FNDC1: variants seen among roughly 807,000 people sequenced by gnomAD.
The protein encoded by FNDC1 is fibronectin type III domain containing 1.
FNDC1 carries 96 observed loss-of-function variants against 168.0 expected under a neutral mutation model. The observed-to-expected ratio is 0.57, with a 90% CI of 0.48 to 0.68. The LOEUF (loss-of-function observed/expected upper bound fraction) is 0.68. Ranked by LOEUF, FNDC1 falls within the 30% of genes least tolerant of loss-of-function variation. FNDC1 has a pLI of 0.00. For missense variants in FNDC1, 2,587 were observed against 2,482.1 expected, an observed-to-expected ratio of 1.04 and a Z score of -0.90; for synonymous variants, 1,099 against 1,025.9, an observed-to-expected ratio of 1.07 and a Z score of -1.36.
In FNDC1 at chr6:159,228,742, C is replaced by T. The variant is rs1783011487; in HGVS notation, c.1181-1073C>T. Among the ~76,000 whole-genome samples, 5 of 152,210 alleles carry T rather than the reference C, an allele frequency of 3.3e-5. No individual in the cohort carries two copies. The South Asian group carries it at 8.3e-4, about 25-fold the overall frequency. On this transcript the variant is annotated intron_variant, in intron 9 of 22. Transcript: ENST00000297267. ...CCCAGGCTGGAGTGCAGTGTGCAAT[C>T]TCGGCTCACTGCAACCTCTGCCTCC...
chr6:159,185,702 G>A (rs1781980817), intron 1 of FNDC1, among the ~76,000 whole-genome samples: 1 of 152,206 alleles, frequency 6.6e-6, no homozygotes, highest in African/African-American at 2.4e-5. Context: ...GCCCATAACA[G>A]CCAAACCTAA....
At chr6:159,207,510 TC>T (rs535555306) in intron 4 of FNDC1, among the ~76,000 whole-genome samples, 4 of 152,288 alleles carry the variant, frequency 2.6e-5, no homozygotes, top group Middle Eastern at 3.4e-3. Flanking sequence ...TGGGCTTTTC[TC>T]TGGATGTCTG....
At chr6:159,196,333 C>A (rs1782239837) in intron 1 of FNDC1, among the ~76,000 whole-genome samples, 2 of 152,194 alleles carry the variant, frequency 1.3e-5, no homozygotes, top group Admixed American at 6.5e-5. Flanking sequence ...CCTTGAATTT[C>A]TCTAAGGAGT....
chr6:159,223,654 G>C lies in FNDC1; in HGVS notation c.884+9G>C. ...AAAGTTGTTGCATCAAGGTACTTTT[G>C]CTTATTTATTTGTCTTTATATATGA... On this transcript the variant is annotated intron_variant, in intron 7 of 22. Transcript: ENST00000297267. 1 of 1,568,098 alleles carries C rather than the reference G, an allele frequency of 6.4e-7. No individual in the cohort carries two copies. The highest frequency in any genetic ancestry group is 8.8e-7 in the Non-Finnish European group (1 of 1,140,070).
At chr6:159,179,182 G>A (rs111258121) in intron 1 of FNDC1, among the ~76,000 whole-genome samples, 4 of 152,222 alleles carry the variant, frequency 2.6e-5, no homozygotes, top group African/African-American at 9.7e-5. Context: ...TTGATAGCTG[G>A]GTGCAGTGGC....
At chr6:159,221,487 C>T (rs430833) in intron 5 of FNDC1, 111 bp from the exon 6 acceptor site, 312,933 of 817,418 alleles carry the variant, frequency 0.38, 66,253 homozygotes, top group African/African-American at 0.73. Flanking sequence ...AAAGAGGAAA[C>T]GGAAAAAGGG....
At position 159,204,789 on chromosome 6, in the gene FNDC1, T is replaced by C. The variant is rs535177255; in HGVS notation, c.460+4208T>C. ...TTTCTCACTTCATCCAGGTCCTCAG[T>C]GCTGCTTGGCCACTTCCTGATTGTC... On this transcript the variant is annotated intron_variant, in intron 4 of 22. Coordinates refer to ENST00000297267, the MANE Select transcript of FNDC1 (RefSeq NM_032532.3). Among the ~76,000 whole-genome samples, 33 of 152,362 alleles carry C rather than the reference T, an allele frequency of 2.2e-4. No homozygotes were observed. In the East Asian group the frequency reaches 6.2e-3, roughly 29 times the overall value.
intron 4 of FNDC1, among the ~76,000 whole-genome samples, chr6:159,209,281 T>G (rs190709273): frequency 0.012 from 1,902 of 152,394 alleles, 17 homozygotes; most frequent in South Asian, 0.021. Flanking sequence ...ATTCATTCTC[T>G]CTGCTGTTAG....
chr6:159,254,876 C>G lies in FNDC1; in HGVS notation c.5066-1647C>G, dbSNP rs1263310948. ...CTTCAAGTCTCCTTCTATCTCACTT[C>G]TATATTCAACTCATCATTAAATCTG... On this transcript the variant is annotated intron_variant, in intron 17 of 22. Coordinates refer to ENST00000297267, the MANE Select transcript of FNDC1 (RefSeq NM_032532.3). Among the ~76,000 whole-genome samples the G allele has an allele frequency of 2.0e-5, 3 of 152,180 alleles. No individual in the cohort carries two copies. In the East Asian group the frequency reaches 5.8e-4, roughly 29 times the overall value.
At chr6:159,248,241 A>G (rs1777175849) in intron 15 of FNDC1, among the ~76,000 whole-genome samples, 2 of 152,116 alleles carry the variant, frequency 1.3e-5, no homozygotes, top group Non-Finnish European at 2.9e-5. Context: ...ATGTTAAAGG[A>G]TTAGTTGTCT....
In FNDC1 at chr6:159,233,845, G is replaced by T; in HGVS notation, c.3333G>T (p.Gln1111His). The T allele has an allele frequency of 6.5e-7, 1 of 1,545,074 alleles. No individual in the cohort carries two copies. Among genetic ancestry groups the T allele is most frequent in the Non-Finnish European group, 8.7e-7 (1 of 1,144,436 alleles). ...CAGCTGCGTCCCTTCCCAAGCACCAGCAGGTGGAGTCTCCCACAGGCGCAG... is the reference window on the plus strand; with the variant it reads ...CAGCTGCGTCCCTTCCCAAGCACCATCAGGTGGAGTCTCCCACAGGCGCAG... ...KEAAASLPKH[Q>H]QVESPTGAGA... is the part of the protein sequence containing the mutation. The change falls in exon 11 of 23, where the codon CAG becomes CAT. Residue 1111 changes from glutamine (Q) to histidine (H), a missense_variant. Coordinates refer to ENST00000297267, the MANE Select transcript of FNDC1 (RefSeq NM_032532.3). This position sits in a 1 kb window ranked among gnomAD's most constrained non-coding sequence, Gnocchi z 4.6.
In FNDC1 at chr6:159,232,720, G is replaced by A. The variant is rs1562299982; in HGVS notation, c.2208G>A (p.Leu736=). The part of the protein sequence containing the change: ...SSRLLPTQPH[L]SSPLSKGGKD... ...GGCTGCTGCCCACCCAGCCACACCT[G>A]AGCTCTCCACTTTCCAAGGGCGGGA... Residue 736 remains leucine, a synonymous_variant, in exon 11 of 23, where the codon CTG becomes CTA. Transcript: ENST00000297267. The surrounding 1 kb of genome is among the most constrained non-coding windows in gnomAD (Gnocchi z 4.9). The A allele has an allele frequency of 6.2e-7, 1 of 1,613,886 alleles. No homozygotes were observed. The highest frequency in any genetic ancestry group is 2.2e-5 in the East Asian group (1 of 44,850).
Position 159,200,504 on chromosome 6 carries a change from CT to C in FNDC1, c.392-8del. 1 of 1,592,406 alleles carries C rather than the reference CT, an allele frequency of 6.3e-7. No homozygotes were observed. The highest frequency in any genetic ancestry group is 8.6e-7 in the Non-Finnish European group (1 of 1,168,064). ...TTTCTAACTATCAAGTTGCATTTCC[CT>C]AATTTAGGAGGTGAATGGATCGAGA... On this transcript the variant is annotated splice_region_variant and splice_polypyrimidine_tract_variant and intron_variant, in intron 3 of 22. Transcript: ENST00000297267.
intron 19 of FNDC1, among the ~76,000 whole-genome samples, 156 bp downstream of exon 19, chr6:159,261,425 T>G (rs971038906): frequency 6.6e-6 from 1 of 152,264 alleles, no homozygotes; most frequent in Non-Finnish European, 1.5e-5. Flanking sequence ...TGCTTTGTGC[T>G]AGGTTAAAAC....
intron 4 of FNDC1, among the ~76,000 whole-genome samples, chr6:159,214,133 G>T (rs1242275344): frequency 2.0e-5 from 3 of 152,178 alleles, no homozygotes; most frequent in African/African-American, 7.2e-5. Flanking sequence ...CCCCAAATGA[G>T]GGCTTACAAT....
intron 10 of FNDC1, among the ~76,000 whole-genome samples, chr6:159,230,684 T>G (rs909763138): frequency 6.6e-6 from 1 of 152,148 alleles, no homozygotes; most frequent in Non-Finnish European, 1.5e-5. Context: ...GAAGGGAGTG[T>G]TTTTGGACCA....
At chr6:159,269,519 C>CATCT (rs775423046) in intron 22 of FNDC1, among the ~76,000 whole-genome samples, 4,600 of 99,980 alleles carry the variant, frequency 0.046, 116 homozygotes, top group Middle Eastern at 0.07. Context: ...TCCATGCATC[C>CATCT]ATCCATCCAT....
chr6:159,231,071 C>A (rs12191109), intron 10 of FNDC1, among the ~76,000 whole-genome samples: 39 of 28,726 alleles, frequency 1.4e-3, no homozygotes, highest in South Asian at 4.8e-3. Context: ...AATTTTTGTA[C>A]TGCCTTAAAA....
In FNDC1 at chr6:159,233,679, A is replaced by C. The variant is rs186042405; in HGVS notation, c.3167A>C (p.Tyr1056Ser). Residue 1056 changes from tyrosine to serine, a missense_variant, in exon 11 of 23, where the codon TAC (tyrosine) becomes TCC (serine). Coordinates refer to ENST00000297267, the MANE Select transcript of FNDC1 (RefSeq NM_032532.3). The surrounding 1 kb of genome is among the most constrained non-coding windows in gnomAD (Gnocchi z 4.6). Reference protein sequence around the residue: ...QGRSHSSSDPYTASSRGMLPT... With the variant: ...QGRSHSSSDPSTASSRGMLPT... ...CGCTCCCACTCCTCCTCGGACCCTT[A>C]CACGGCGAGCTCCAGAGGGATGCTC... 5.2e-5 allele frequency: 80 copies of C among 1,549,700 alleles called. 1 individual carries two copies. In the Middle Eastern group the frequency reaches 6.2e-3, roughly 120 times the overall value.
Sources: allele counts gnomAD v4.1 joint callset (sites outside exome capture counted in the v4.1 genomes callset), GRCh38; gene constraint gnomAD v4.1.1; non-coding constraint Gnocchi (gnomAD v3.1); transcripts MANE v1.5; gene names NCBI Gene and HGNC (gene_info 2026-07-23, HGNC 2026-07-21).